The following PCDHGB3 variants were observed in gnomAD, a reference collection of about 807,000 sequenced individuals.
The protein encoded by PCDHGB3 is protocadherin gamma subfamily B, 3.
In PCDHGB3, 40 loss-of-function variants were observed where a neutral mutation model predicts 59.2. That is an observed-to-expected ratio of 0.68 (90% CI 0.52 to 0.88). The LOEUF is 0.88. Ranked by LOEUF, PCDHGB3 falls within the 40% of genes least tolerant of loss-of-function variation. PCDHGB3 has a pLI of 0.00. For synonymous variants in PCDHGB3, 581 were observed against 503.6 expected, an observed-to-expected ratio of 1.15 and a Z score of -2.06; for missense variants, 1,309 against 1,187.9, an observed-to-expected ratio of 1.10 and a Z score of -1.50.
Position 141,432,155 on chromosome 5 carries a change from C to T in PCDHGB3, c.2415+59346C>T, listed in dbSNP as rs368480052. 3.8e-5 allele frequency: 62 copies of T among 1,614,178 alleles called. No individual in the cohort carries two copies. In the African/African-American group the frequency reaches 7.1e-4, roughly 18 times the overall value. On this transcript the variant is annotated intron_variant, in intron 1 of 3. Coordinates refer to ENST00000576222, the MANE Select transcript of PCDHGB3 (RefSeq NM_018924.5). This position sits in a 1 kb window ranked among gnomAD's most constrained non-coding sequence, Gnocchi z 6.0. ...TTCCGCTTATATCCCAGAGAACAATCCCAGAGGAGTTTCCCTCGTCTCTGT... is the reference window on the plus strand; with the variant it reads ...TTCCGCTTATATCCCAGAGAACAATTCCAGAGGAGTTTCCCTCGTCTCTGT...
intron 1 of PCDHGB3, among the ~76,000 whole-genome samples, 184 bp downstream of exon 1, chr5:141,372,993 T>G (rs977934205): frequency 1.3e-5 from 2 of 152,356 alleles, no homozygotes; most frequent in African/African-American, 4.8e-5. Context: ...TTGCAGTTGT[T>G]CTTTCATAGA....
In PCDHGB3 at chr5:141,512,223, C is replaced by G. The variant is rs1321595614; in HGVS notation, c.*1050C>G. 6.5e-6 allele frequency: 1 copy of G among 152,728 alleles called. No individual in the cohort carries two copies. The highest frequency in any genetic ancestry group is 1.5e-5 in the Non-Finnish European group (1 of 68,110). 9.5% of individuals were successfully genotyped at this position (152,728 alleles called of 1,614,324 possible). ...CTCGAAGCAGGTTTAGGACCAGGTC[C>G]CCTTGAGAGGTCAGAGGGGCCTCTG... On this transcript the variant is annotated 3_prime_UTR_variant, in exon 4 of 4. Transcript: ENST00000576222.
chr5:141,484,883 G>GCC (rs1231530221), intron 1 of PCDHGB3: 2 of 352,506 alleles, frequency 5.7e-6, no homozygotes, highest in Admixed American at 9.0e-5. Flanking sequence ...GATAGGGTGG[G>GCC]CTTTTTCCCC....
In PCDHGB3 at chr5:141,477,279, C is replaced by T. The variant is rs2099408674; in HGVS notation, c.2416-17528C>T. ...GATGCTGGCGAGAACGGGCTGGTGA[C>T]CTGCGAAGTTCCACCGGGTCTCCCT... is the stretch of plus-strand genomic sequence containing the variant. On this transcript the variant is annotated intron_variant, in intron 1 of 3. Transcript: ENST00000576222. The surrounding 1 kb of genome is among the most constrained non-coding windows in gnomAD (Gnocchi z 4.9). 6.2e-7 allele frequency: 1 copy of T among 1,614,054 alleles called. No individual in the cohort carries two copies. Among genetic ancestry groups the T allele is most frequent in the Non-Finnish European group, 8.5e-7 (1 of 1,180,050 alleles).
intron 1 of PCDHGB3, chr5:141,418,426 C>A: frequency 6.2e-7 from 1 of 1,613,948 alleles, no homozygotes; most frequent in South Asian, 1.1e-5. Flanking sequence ...CTGATGGTGG[C>A]AAATATCCAG....
intron 2 of PCDHGB3, among the ~76,000 whole-genome samples, chr5:141,502,625 T>G (rs2099815384): frequency 6.6e-6 from 1 of 152,210 alleles, no homozygotes; most frequent in Admixed American, 6.5e-5. Context: ...ATAAGTAATC[T>G]GTGGATGATA....
chr5:141,395,556 G>A (rs1041230837), intron 1 of PCDHGB3: 1 of 97,434 alleles, frequency 1.0e-5, no homozygotes, highest in East Asian at 1.8e-4. Context: ...GTGTGTGTGT[G>A]TGTGTGTGTG....
At chr5:141,405,938 G>A (rs1249578216) in intron 1 of PCDHGB3, among the ~76,000 whole-genome samples, 2 of 152,114 alleles carry the variant, frequency 1.3e-5, no homozygotes, top group Non-Finnish European at 2.9e-5. Flanking sequence ...TAACTTTCAT[G>A]TTCTCATAAT....
chr5:141,455,133 C>G (rs1172825339), intron 1 of PCDHGB3, among the ~76,000 whole-genome samples: 2 of 151,392 alleles, frequency 1.3e-5, no homozygotes, highest in African/African-American at 4.9e-5. Context: ...TTAAATTACA[C>G]TGTGTTAAAT....
At chr5:141,449,021 C>T (rs897401758) in intron 1 of PCDHGB3, among the ~76,000 whole-genome samples, 3 of 152,104 alleles carry the variant, frequency 2.0e-5, no homozygotes, top group Non-Finnish European at 4.4e-5. Context: ...AGTTGCTTAG[C>T]ATTCCTTTGG....
At position 141,511,199 on chromosome 5, in the gene PCDHGB3, G is replaced by C. The variant is rs1303066281; in HGVS notation, c.*26G>C. On this transcript the variant is annotated 3_prime_UTR_variant, in exon 4 of 4. Coordinates refer to ENST00000576222, the MANE Select transcript of PCDHGB3 (RefSeq NM_018924.5). The stretch of plus-strand genomic sequence containing the variant: ...CATGGAGGCCAGGCCAAGAGCCACA[G>C]GGCGGCCTCTCCCCAACCAGCCCAG... 6.2e-6 allele frequency: 10 copies of C among 1,612,868 alleles called. No individual in the cohort carries two copies. In the East Asian group the frequency reaches 2.2e-4, roughly 36 times the overall value.
Position 141,389,842 on chromosome 5 carries a change from C to G in PCDHGB3, c.2415+17033C>G, listed in dbSNP as rs779733638. The G allele has an allele frequency of 3.7e-6, 6 of 1,613,900 alleles. No individual in the cohort carries two copies. In the Admixed American group the frequency reaches 8.3e-5, roughly 22 times the overall value. ...CGTGACGGTGGACAGCCACCACTCT[C>G]GGCCACTGCCACGTTGCACCTGGTC... On this transcript the variant is annotated intron_variant, in intron 1 of 3. Coordinates refer to ENST00000576222, the MANE Select transcript of PCDHGB3 (RefSeq NM_018924.5).
intron 1 of PCDHGB3, chr5:141,375,053 G>T: frequency 1.2e-6 from 2 of 1,614,046 alleles, no homozygotes; most frequent in South Asian, 2.2e-5. Context: ...AGCCCGGGAT[G>T]GGCCAGGTCT....
At chr5:141,404,022 G>C (rs2094476462) in intron 1 of PCDHGB3, 1 of 1,613,754 alleles carries the variant, frequency 6.2e-7, no homozygotes, top group Admixed American at 1.7e-5. Context: ...AGCCCAGTGA[G>C]AGAAGACGCA....
At chr5:141,405,555 G>C in intron 1 of PCDHGB3, 1 of 620,228 alleles carries the variant, frequency 1.6e-6, no homozygotes, top group Non-Finnish European at 2.8e-6. Context: ...AAGTAGAGTA[G>C]CTGGGACTAG....
At chr5:141,450,888 G>C (rs1038570371) in intron 1 of PCDHGB3, among the ~76,000 whole-genome samples, 27 of 145,380 alleles carry the variant, frequency 1.9e-4, no homozygotes, top group Non-Finnish European at 3.9e-4. Flanking sequence ...GCAGTGGTGC[G>C]ATATCGGCTC....
chr5:141,472,838 T>C (rs1457889821), intron 1 of PCDHGB3, among the ~76,000 whole-genome samples: 1 of 151,464 alleles, frequency 6.6e-6, no homozygotes, highest in Non-Finnish European at 1.5e-5. Context: ...AATAGAAAAT[T>C]AGCTGGGCAT....
rs148995268 is a variant in PCDHGB3, at chr5:141,486,253, C to T, written c.2416-8554C>T. On this transcript the variant is annotated intron_variant, in intron 1 of 3. Coordinates refer to ENST00000576222, the MANE Select transcript of PCDHGB3 (RefSeq NM_018924.5). The surrounding 1 kb of genome is among the most constrained non-coding windows in gnomAD (Gnocchi z 5.0). The stretch of plus-strand genomic sequence containing the variant: ...TGACCTCAGAGCTTGGAACCCTCCC[C>T]GAGAGTGCAGAACCTGGCACTGTGG... 8 of 1,614,020 alleles carry T rather than the reference C, an allele frequency of 5.0e-6. No individual in the cohort carries two copies. The African/African-American group carries it at 8.0e-5, about 16-fold the overall frequency.
chr5:141,483,255 GTTTT>G (rs147039946), intron 1 of PCDHGB3, among the ~76,000 whole-genome samples: 7,425 of 152,114 alleles, frequency 0.049, 355 homozygotes, highest in African/African-American at 0.13. Context: ...ATATCATGAG[GTTTT>G]TTTGTTTTAG....
Sources: gnomAD v4.1 joint callset for allele counts (sites outside exome capture counted in the v4.1 genomes callset) on GRCh38, gnomAD v4.1.1 for gene constraint, Gnocchi (gnomAD v3.1) non-coding constraint, MANE v1.5 for transcripts, NCBI Gene and HGNC (gene_info 2026-07-23, HGNC 2026-07-21) for gene names.